Variants in IFT81 observed in about 807,000 individuals in gnomAD.
IFT81 encodes the protein intraflagellar transport protein 81 homolog.
A neutral mutation model predicts 102.6 loss-of-function variants in IFT81; 72 were observed. The observed-to-expected ratio is 0.70, with a 90% confidence interval of 0.58 to 0.85. The LOEUF (loss-of-function observed/expected upper bound fraction) is 0.85, where lower values mean the gene tolerates loss of function less well. Ranked by LOEUF, IFT81 falls within the 40% of genes least tolerant of loss-of-function variation. IFT81 has a pLI of 0.00. For synonymous variants in IFT81, 237 were observed against 242.7 expected (o/e 0.98, Z 0.22); for missense variants, 723 against 787.3 (o/e 0.92, Z 0.98).
At chr12:110,182,912 A>G (rs1011371584) in intron 12 of IFT81, among the ~76,000 whole-genome samples, 1 of 152,162 alleles carries the variant, frequency 6.6e-6, no homozygotes, top group Non-Finnish European at 1.5e-5. Flanking sequence ...TCTGAGACCT[A>G]TGCTTTCTAT....
At chr12:110,134,793 A>T (rs1894381945) in intron 5 of IFT81, among the ~76,000 whole-genome samples, 155 bp from the exon 6 acceptor site, 1 of 152,220 alleles carries the variant, frequency 6.6e-6, no homozygotes, top group Admixed American at 6.5e-5. Context: ...CTGGGGGAAA[A>T]ATAGAAATGA....
intron 14 of IFT81, among the ~76,000 whole-genome samples, chr12:110,199,364 T>A (rs1308104976): frequency 7.2e-5 from 11 of 152,122 alleles, no homozygotes; most frequent in Non-Finnish European, 2.9e-5. Flanking sequence ...ACCTCTACAG[T>A]GGTTTTTCAG....
chr12:110,194,833 C>A (rs1897935415), intron 14 of IFT81, among the ~76,000 whole-genome samples: 2 of 152,074 alleles, frequency 1.3e-5, no homozygotes, highest in African/African-American at 4.8e-5. Flanking sequence ...TAAATTTGTT[C>A]TCCACACTTC....
At chr12:110,210,086 A>G (rs1484500058) in intron 18 of IFT81, among the ~76,000 whole-genome samples, 1 of 152,346 alleles carries the variant, frequency 6.6e-6, no homozygotes, top group East Asian at 1.9e-4. Flanking sequence ...TAGTTAGTCT[A>G]GCTGACTTCA....
chr12:110,213,075 A>G (rs1179365690), intron 18 of IFT81, among the ~76,000 whole-genome samples: 1 of 152,196 alleles, frequency 6.6e-6, no homozygotes, highest in Non-Finnish European at 1.5e-5. Flanking sequence ...CTTTTTGAAC[A>G]TAACCACAAT....
At chr12:110,180,722 C>A in intron 12 of IFT81, 151 bp downstream of exon 12, 2 of 530,330 alleles carry the variant, frequency 3.8e-6, no homozygotes, top group Non-Finnish European at 6.2e-6. Context: ...TAAGTTGATT[C>A]ATTTATTTTT....
intron 11 of IFT81, among the ~76,000 whole-genome samples, chr12:110,172,745 A>AC (rs899270971): frequency 1.4e-5 from 2 of 146,444 alleles, no homozygotes; most frequent in East Asian, 2.0e-4. Flanking sequence ...TACAACCTCC[A>AC]CCCCCCAGCC....
At chr12:110,175,578 C>T (rs543431016) in intron 11 of IFT81, among the ~76,000 whole-genome samples, 72 of 152,284 alleles carry the variant, frequency 4.7e-4, no homozygotes, top group African/African-American at 1.7e-3. Context: ...TTTTAAAAAA[C>T]TCGTCCTTTA....
intron 14 of IFT81, among the ~76,000 whole-genome samples, chr12:110,199,503 T>C (rs1367581722): frequency 6.6e-6 from 1 of 152,206 alleles, no homozygotes; most frequent in African/African-American, 2.4e-5. Flanking sequence ...CTATGATCAC[T>C]GTCACAGCTG....
intron 10 of IFT81, among the ~76,000 whole-genome samples, chr12:110,148,578 C>T (rs1895353230): frequency 6.6e-6 from 1 of 151,886 alleles, no homozygotes. Flanking sequence ...CAGGTTCAAG[C>T]AATTCCCTGC....
chr12:110,186,484 CCTTT>C (rs202147355), intron 12 of IFT81, among the ~76,000 whole-genome samples: 118 of 151,166 alleles, frequency 7.8e-4, no homozygotes, highest in South Asian at 1.9e-3. Context: ...GTCTTTCTTT[CCTTT>C]CTTTCTTTCT....
chr12:110,195,609 A>G (rs1897966496), intron 14 of IFT81, among the ~76,000 whole-genome samples: 1 of 152,070 alleles, frequency 6.6e-6, no homozygotes, highest in Non-Finnish European at 1.5e-5. Context: ...TGCATATAAC[A>G]TTTACATTCT....
Position 110,190,504 on chromosome 12 carries a change from AT to A in IFT81, c.1339-406del, listed in dbSNP as rs145642923. Reference sequence around the variant, plus strand: ...AGTAGTAAGCTCTGTGAGGGAAGGGATTTTTTTTTTCCTGTTCTATTCACTG... The same window carrying A: ...AGTAGTAAGCTCTGTGAGGGAAGGGATTTTTTTTTCCTGTTCTATTCACTG... On this transcript the variant is annotated intron_variant, in intron 12 of 18. Coordinates refer to ENST00000242591, the MANE Select transcript of IFT81 (RefSeq NM_014055.4). 4.0e-5 allele frequency among the ~76,000 whole-genome samples: 6 copies of A among 150,366 alleles called. No individual in the cohort carries two copies. The South Asian group carries it at 8.5e-4, about 21-fold the overall frequency.
At chr12:110,154,402 A>G (rs568206075) in intron 10 of IFT81, among the ~76,000 whole-genome samples, 2 of 151,034 alleles carry the variant, frequency 1.3e-5, no homozygotes, top group South Asian at 4.2e-4. Flanking sequence ...AGGCTGAGGC[A>G]GGCAGATCAC....
chr12:110,150,549 C>T (rs899697155), intron 10 of IFT81, among the ~76,000 whole-genome samples: 1 of 152,110 alleles, frequency 6.6e-6, no homozygotes, highest in Non-Finnish European at 1.5e-5. Flanking sequence ...TTTTCCTTAT[C>T]CCACGTTGAA....
chr12:110,177,423 C>T (rs906681735), intron 11 of IFT81, among the ~76,000 whole-genome samples: 5 of 152,152 alleles, frequency 3.3e-5, no homozygotes, highest in African/African-American at 9.7e-5. Context: ...GCTGGGATTA[C>T]GGGCACACAC....
intron 18 of IFT81, chr12:110,216,517 T>G (rs1476079178): frequency 8.8e-6 from 4 of 452,416 alleles, no homozygotes; most frequent in African/African-American, 6.1e-5. Context: ...TTATTCACCT[T>G]AATTTTTTTT....
chr12:110,157,458 A>G (rs1278408422), intron 10 of IFT81, among the ~76,000 whole-genome samples: 5 of 152,176 alleles, frequency 3.3e-5, no homozygotes, highest in Non-Finnish European at 7.4e-5. Flanking sequence ...TTAAAGAGAG[A>G]AGATCAAGTG....
chr12:110,211,805 C>A (rs1037463778), intron 18 of IFT81, among the ~76,000 whole-genome samples: 8 of 152,060 alleles, frequency 5.3e-5, no homozygotes, highest in African/African-American at 1.9e-4. Flanking sequence ...CTGCGCCCAG[C>A]CTTCTTACTA....
Sources: gnomAD v4.1 joint callset for allele counts (sites outside exome capture counted in the v4.1 genomes callset) on GRCh38, gnomAD v4.1.1 for gene constraint, MANE v1.5 for transcripts, NCBI Gene and HGNC (gene_info 2026-07-23, HGNC 2026-07-21) for gene names.